Variants in CEP43 observed in about 807,000 individuals in gnomAD.
CEP43 encodes the protein FGFR1 oncogene partner.
In CEP43, 36 loss-of-function variants were observed where a neutral mutation model predicts 52.6. That is an observed-to-expected ratio of 0.68 (90% CI 0.52 to 0.90). The LOEUF (loss-of-function observed/expected upper bound fraction) is 0.90. CEP43 is among the 40% of genes least tolerant of loss of function. The pLI is 0.00. For missense variants in CEP43, 506 were observed against 472.8 expected (o/e 1.07, Z -0.65); for synonymous variants, 192 against 172.4 (o/e 1.11, Z -0.89).
rs1779699202 is a variant in CEP43, at chr6:167,000,113, G to T, written c.156G>T (p.Glu52Asp). The change falls in exon 2 of 13, where the codon GAG (glutamate) becomes GAT (aspartate). Residue 52 changes from glutamate to aspartate, a missense_variant and splice_region_variant. Physicochemically the swap from Glu to Asp is conservative, Grantham distance 45. Coordinates refer to ENST00000366847, the MANE Select transcript of CEP43 (RefSeq NM_007045.4). ...FLALEEQEKV[E>D]NKTPLVNESL... ...CACTAGAGGAGCAAGAAAAAGTAGAGGTATGAAGTTTCCAGATTTTAACAT... is the reference window on the plus strand; with the variant it reads ...CACTAGAGGAGCAAGAAAAAGTAGATGTATGAAGTTTCCAGATTTTAACAT... 6.2e-7 allele frequency: 1 copy of T among 1,608,960 alleles called. No individual in the cohort carries two copies. Among genetic ancestry groups the T allele is most frequent in the Admixed American group, 1.7e-5 (1 of 59,772 alleles).
At chr6:167,031,877 C>T (rs1027548220) in intron 10 of CEP43, among the ~76,000 whole-genome samples, 3 of 152,166 alleles carry the variant, frequency 2.0e-5, no homozygotes, top group Non-Finnish European at 4.4e-5. Context: ...CTGAAGGTGC[C>T]CCCTCTGTCA....
At chr6:167,022,306 C>T (rs1780255068) in intron 7 of CEP43, 103 bp from the exon 8 acceptor site, 3 of 758,490 alleles carry the variant, frequency 4.0e-6, no homozygotes, top group Non-Finnish European at 6.2e-6. Flanking sequence ...AAAGGTTGCA[C>T]ACACACAGGT....
intron 12 of CEP43, 124 bp downstream of exon 12, chr6:167,034,095 C>T (rs1780531985): frequency 6.5e-6 from 3 of 463,802 alleles, no homozygotes; most frequent in African/African-American, 4.0e-5. Context: ...AAAGTCATGA[C>T]AGAGACCTGG....
At chr6:167,039,152 C>T (rs140305388) in intron 12 of CEP43, among the ~76,000 whole-genome samples, 15 of 150,890 alleles carry the variant, frequency 9.9e-5, no homozygotes, top group Admixed American at 3.9e-4. Flanking sequence ...TTTTTTGAGT[C>T]GGAGTCTCGC....
At chr6:167,032,106 A>G (rs73030122) in intron 10 of CEP43, among the ~76,000 whole-genome samples, 3,091 of 152,322 alleles carry the variant, frequency 0.02, 52 homozygotes, top group East Asian at 0.091. Context: ...TTCCCAGGTC[A>G]CAGAGCTGTT....
At chr6:167,000,348 A>G (rs76022625) in intron 2 of CEP43, among the ~76,000 whole-genome samples, 2,781 of 152,340 alleles carry the variant, frequency 0.018, 39 homozygotes, top group Non-Finnish European at 0.029. Flanking sequence ...TTAATCTGAA[A>G]CAAATGGTCA....
At chr6:167,039,218 C>T (rs890154984) in intron 12 of CEP43, among the ~76,000 whole-genome samples, 4 of 152,158 alleles carry the variant, frequency 2.6e-5, no homozygotes, top group Admixed American at 6.5e-5. Context: ...CAACCTCTGC[C>T]TCCTGGGTTC....
In CEP43 at chr6:166,999,436, G is replaced by T; in HGVS notation, c.24G>T (p.Val8=). The part of the protein sequence containing the change: MAATAAA[V]VAEEDTELRD... ...AGATGGCGGCGACGGCGGCCGCAGT[G>T]GTGGCCGAGGAGGACACGGAGCTGC... is the stretch of plus-strand genomic sequence containing the variant. The change falls in exon 1 of 13, where the codon GTG becomes GTT. Residue 8 remains valine, a synonymous_variant. Transcript: ENST00000366847. The T allele has an allele frequency of 6.8e-7, 1 of 1,479,064 alleles. No individual in the cohort carries two copies. Among genetic ancestry groups the T allele is most frequent in the Non-Finnish European group, 9.0e-7 (1 of 1,112,272 alleles). 91.6% of individuals were successfully genotyped at this position (1,479,064 alleles called of 1,614,324 possible). A position where few individuals can be genotyped will look rare whatever the true frequency, so the allele number is the denominator to read the frequency against.
intron 8 of CEP43, among the ~76,000 whole-genome samples, chr6:167,024,294 C>T (rs1374992496): frequency 2.0e-5 from 3 of 152,028 alleles, no homozygotes; most frequent in Non-Finnish European, 2.9e-5. Flanking sequence ...GAAAGTAAGG[C>T]GAGAAGGCAC....
chr6:167,010,379 A>T (rs943758773), intron 5 of CEP43, among the ~76,000 whole-genome samples: 1 of 152,238 alleles, frequency 6.6e-6, no homozygotes, highest in Non-Finnish European at 1.5e-5. Context: ...TTGAAGGGGT[A>T]AAGTATTTTT....
Position 167,051,014 on chromosome 6 carries a change from G to A in CEP43, c.*11036G>A, listed in dbSNP as rs145766462. ...GCTAGGTCTTTTCAAAGATAGTTTG[G>A]TGGGCAGGGGTTTGTGTACTAAGAA... On this transcript the variant is annotated 3_prime_UTR_variant, in exon 13 of 13. Coordinates refer to ENST00000366847, the MANE Select transcript of CEP43 (RefSeq NM_007045.4). 2 of 152,012 alleles carry A rather than the reference G, an allele frequency of 1.3e-5. No homozygotes were observed. The highest frequency in any genetic ancestry group is 2.9e-5 in the Non-Finnish European group (2 of 67,998). 9.4% of individuals were successfully genotyped at this position (152,012 alleles called of 1,614,324 possible). A position where few individuals can be genotyped will look rare whatever the true frequency, so the allele number is the denominator to read the frequency against.
rs138458887 is a variant in CEP43, at chr6:167,022,631, G to A, written c.802G>A (p.Gly268Ser). ...DPIPKPEKTY[G>S]LRKEPRKQAG... ...CATTCCTAAGCCAGAGAAAACTTAC[G>A]GTTTGTGAGTAAATGGTTTTTGAGC... The change falls in exon 8 of 13, where the codon GGT (glycine) becomes AGT (serine). Residue 268 changes from glycine to serine, a missense_variant. Physicochemically the swap from Gly to Ser is moderately conservative, Grantham distance 56 (BLOSUM62 0). Transcript: ENST00000366847. 8.1e-6 allele frequency: 13 copies of A among 1,606,630 alleles called. No homozygotes were observed. Among genetic ancestry groups the A allele is most frequent in the South Asian group, 3.3e-5 (3 of 90,818 alleles).
intron 5 of CEP43, among the ~76,000 whole-genome samples, chr6:167,008,111 C>G (rs1191974609): frequency 6.8e-6 from 1 of 147,272 alleles, no homozygotes. Context: ...ACCTGTCTTT[C>G]TAGCCTTATG....
intron 10 of CEP43, among the ~76,000 whole-genome samples, chr6:167,031,590 A>T (rs1780472624): frequency 6.6e-6 from 1 of 152,240 alleles, no homozygotes; most frequent in Non-Finnish European, 1.5e-5. Context: ...GAGACAGTCC[A>T]GCCTTATCTG....
intron 5 of CEP43, 127 bp downstream of exon 5, chr6:167,004,528 A>G: frequency 1.5e-6 from 1 of 677,146 alleles, no homozygotes; most frequent in Non-Finnish European, 2.2e-6. Context: ...AAACAAAATG[A>G]GATGCATTCA....
In CEP43 at chr6:167,039,992, A is replaced by C; in HGVS notation, c.*14A>C. On this transcript the variant is annotated 3_prime_UTR_variant, in exon 13 of 13. Transcript: ENST00000366847. ...GATGTTGCATAGACACGAAGAAGGA[A>C]GTATTCTAATTAACAAGGACAGAGG... 1 of 1,613,374 alleles carries C rather than the reference A, an allele frequency of 6.2e-7. No individual in the cohort carries two copies. The highest frequency in any genetic ancestry group is 1.1e-5 in the South Asian group (1 of 90,984).
intron 6 of CEP43, 128 bp from the exon 7 acceptor site, chr6:167,013,380 A>C (rs1780025763): frequency 4.4e-6 from 3 of 686,664 alleles, no homozygotes; most frequent in South Asian, 3.8e-5. Flanking sequence ...CAGGCCTCAC[A>C]GAACATATTA....
At chr6:167,006,435 C>G (rs997536363) in intron 5 of CEP43, among the ~76,000 whole-genome samples, 2 of 152,046 alleles carry the variant, frequency 1.3e-5, no homozygotes, top group Admixed American at 6.5e-5. Context: ...TCACTTGAAC[C>G]CAGTAGGTGG....
At chr6:167,024,928 G>T in intron 9 of CEP43, 34 bp downstream of exon 9, 3 of 1,191,732 alleles carry the variant, frequency 2.5e-6, no homozygotes, top group African/African-American at 1.5e-5. Context: ...TCAATACTCG[G>T]GATATTTTTT....
Sources: allele counts gnomAD v4.1 joint callset (sites outside exome capture counted in the v4.1 genomes callset), GRCh38; gene constraint gnomAD v4.1.1; transcripts MANE v1.5; gene names NCBI Gene and HGNC (gene_info 2026-07-23, HGNC 2026-07-21).